The following ERCC6 variants were observed in gnomAD, a reference collection of about 807,000 sequenced individuals.
ERCC6 encodes the protein DNA excision repair protein ERCC-6.
In ERCC6, 116 loss-of-function variants were observed where a neutral mutation model predicts 158.7. That is an observed-to-expected ratio of 0.73 (90% confidence interval 0.63 to 0.85). The LOEUF is 0.85. Ranked by LOEUF, ERCC6 falls within the 40% of genes least tolerant of loss-of-function variation. The pLI is 0.00. For missense variants in ERCC6, 1,698 were observed against 1,799.4 expected, an observed-to-expected ratio of 0.94 and a Z score of 1.02; for synonymous variants, 678 against 659.3, an observed-to-expected ratio of 1.03 and a Z score of -0.43.
chr10:49,517,178 C>G (rs2132603022), intron 5 of ERCC6: 1 of 1,503,668 alleles, frequency 6.7e-7, no homozygotes, highest in Non-Finnish European at 8.9e-7. Context: ...CCTAGTGTTC[C>G]AAAAATGGAA....
intron 7 of ERCC6, among the ~76,000 whole-genome samples, chr10:49,497,969 T>TA (rs1048973040): frequency 1.3e-5 from 2 of 152,208 alleles, no homozygotes; most frequent in Non-Finnish European, 2.9e-5. Context: ...TCCAAGACTT[T>TA]AAAAAATTAA....
At chr10:49,519,087 A>G (rs1837073083) in intron 5 of ERCC6, among the ~76,000 whole-genome samples, 1 of 152,168 alleles carries the variant, frequency 6.6e-6, no homozygotes, top group Non-Finnish European at 1.5e-5. Flanking sequence ...ATCTCCCTAT[A>G]TCCTCATCCA....
intron 7 of ERCC6, among the ~76,000 whole-genome samples, chr10:49,495,860 C>T (rs966779426): frequency 3.3e-5 from 5 of 152,232 alleles, no homozygotes; most frequent in Non-Finnish European, 7.3e-5. Context: ...ATCTGGGTTA[C>T]TGCATCTCCG....
chr10:49,458,110 G>A lies in ERCC6; in HGVS notation c.*705C>T, dbSNP rs1590395066. The stretch of plus-strand genomic sequence containing the variant: ...ATTTTTTTTAATGATAACACATTTT[G>A]TGACTGTAGGAGAGAAAAAGATGCC... On this transcript the variant is annotated 3_prime_UTR_variant, in exon 21 of 21. Coordinates refer to ENST00000355832, the MANE Select transcript of ERCC6 (RefSeq NM_000124.4). 5 of 152,122 alleles carry A rather than the reference G, an allele frequency of 3.3e-5. No homozygotes were observed. The highest frequency in any genetic ancestry group is 7.3e-5 in the Non-Finnish European group (5 of 68,082). The allele number at this position is 152,122 out of a possible 1,614,324, so 9.4% of individuals were successfully genotyped here.
chr10:49,523,909 C>T (rs1837239290), intron 5 of ERCC6, 124 bp downstream of exon 5: 2 of 1,424,744 alleles, frequency 1.4e-6, no homozygotes, highest in Non-Finnish European at 1.9e-6. Context: ...TGCAGAAATC[C>T]AACCTCTGTA....
chr10:49,478,227 GC>G, intron 11 of ERCC6, 126 bp downstream of exon 11: 1 of 804,088 alleles, frequency 1.2e-6, no homozygotes, highest in Non-Finnish European at 2.2e-6. Flanking sequence ...GCCACAGCGG[GC>G]CTAGCCTGCC....
At chr10:49,449,969 C>T (rs778547458), downstream of ERCC6, among the ~76,000 whole-genome samples, 21 of 151,940 alleles carry the variant, frequency 1.4e-4, no homozygotes, top group African/African-American at 2.2e-4. Context: ...ACCTCCTGGG[C>T]TCAAGTGATC....
intron 5 of ERCC6, chr10:49,516,315 A>C: frequency 6.2e-7 from 1 of 1,614,180 alleles, no homozygotes; most frequent in Non-Finnish European, 8.5e-7. Flanking sequence ...ATCAAAGCTG[A>C]AATATGTTTC....
Position 49,470,274 on chromosome 10 carries a change from C to G in ERCC6, c.3686G>C (p.Arg1229Thr). 2.5e-6 allele frequency: 4 copies of G among 1,614,132 alleles called. No homozygotes were observed. The highest frequency in any genetic ancestry group is 3.4e-6 in the Non-Finnish European group (4 of 1,180,010). ...GTRIPHLVKK[R>T]RYQKQDSENK... ...TTCACTGTCTTGCTTCTGGTAACGC[C>G]TTTTCTTCACCAGGTGTGGAATTCG... The change falls in exon 18 of 21, where the codon AGG (arginine) becomes ACG (threonine). Residue 1229 changes from arginine (R) to threonine (T), a missense_variant. Arg to Thr is a moderately conservative substitution (Grantham distance 71). Transcript: ENST00000355832.
chr10:49,515,405 G>T, intron 5 of ERCC6: 1 of 1,614,106 alleles, frequency 6.2e-7, no homozygotes, highest in Non-Finnish European at 8.5e-7. Flanking sequence ...GAAAAGTTGT[G>T]TTCTTATGAC....
chr10:49,491,616 C>T (rs961818166), intron 8 of ERCC6, among the ~76,000 whole-genome samples: 2 of 152,190 alleles, frequency 1.3e-5, no homozygotes, highest in Non-Finnish European at 2.9e-5. Flanking sequence ...ACTGTCAATT[C>T]TATTTCCATA....
In ERCC6 at chr10:49,524,790, T is replaced by A. The variant is rs758120957; in HGVS notation, c.653-13A>T. On this transcript the variant is annotated splice_polypyrimidine_tract_variant and intron_variant, in intron 4 of 20. Coordinates refer to ENST00000355832, the MANE Select transcript of ERCC6 (RefSeq NM_000124.4). The stretch of plus-strand genomic sequence containing the variant: ...GATGGCCCCGGCTCTGAAAGAACAA[T>A]AGCAATGCGTTTCGCACTAGCATGA... 1.3e-6 allele frequency: 2 copies of A among 1,599,820 alleles called. No individual in the cohort carries two copies. Among genetic ancestry groups the A allele is most frequent in the Non-Finnish European group, 1.7e-6 (2 of 1,179,872 alleles).
At chr10:49,517,039 C>T (rs760800566) in intron 5 of ERCC6, 37 of 1,613,754 alleles carry the variant, frequency 2.3e-5, no homozygotes, top group Non-Finnish European at 3.1e-5. Context: ...GGTTGTATCA[C>T]TATAGCACTT....
intron 3 of ERCC6, among the ~76,000 whole-genome samples, chr10:49,528,753 AC>A (rs990720769): frequency 6.6e-6 from 1 of 152,142 alleles, no homozygotes; most frequent in Non-Finnish European, 1.5e-5. Flanking sequence ...GCATGCCTGC[AC>A]CCCCATGCTC....
chr10:49,531,865 C>T (rs891586555), intron 2 of ERCC6, among the ~76,000 whole-genome samples: 1 of 152,144 alleles, frequency 6.6e-6, no homozygotes, highest in African/African-American at 2.4e-5. Flanking sequence ...AGAACACTGC[C>T]CAACGGGGGC....
chr10:49,483,782 A>T (rs562204400), intron 8 of ERCC6, among the ~76,000 whole-genome samples: 1 of 151,478 alleles, frequency 6.6e-6, no homozygotes, highest in African/African-American at 2.4e-5. Context: ...ATATTAAATT[A>T]TTATTTTTAT....
In ERCC6 at chr10:49,478,436, C is replaced by T. The variant is rs201930958; in HGVS notation, c.2204G>A (p.Arg735Gln). The change falls in exon 11 of 21, where the codon CGA becomes CAA. Residue 735 changes from arginine to glutamine, a missense_variant. Transcript: ENST00000355832. Reference protein sequence around the residue: ...KTAYKCACVLRDTINPYLLRR... With the variant: ...KTAYKCACVLQDTINPYLLRR... ...CAGTAGGTATGGATTTATGGTATCT[C>T]GTAAGACACATGCACACTTGTAAGC... 39 of 1,613,398 alleles carry T rather than the reference C, an allele frequency of 2.4e-5. No individual in the cohort carries two copies. The highest frequency in any genetic ancestry group is 3.0e-5 in the Non-Finnish European group (35 of 1,179,696).
chr10:49,505,928 G>T lies in ERCC6; in HGVS notation c.1482C>A (p.Asp494Glu), dbSNP rs150762517. 3 of 1,613,368 alleles carry T rather than the reference G, an allele frequency of 1.9e-6. No homozygotes were observed. Among genetic ancestry groups the T allele is most frequent in the Non-Finnish European group, 2.5e-6 (3 of 1,179,592 alleles). ...GAAAACCTGGCACTTTAAAACCTTC[G>T]TCAAATTCAGCATCACTTTCCTCAG... ...DDSEESDAEF[D>E]EGFKVPGFLF... The change falls in exon 6 of 21, where the codon GAC (aspartate) becomes GAA (glutamate). Residue 494 changes from aspartate (D) to glutamate (E), a missense_variant. Asp to Glu is a conservative substitution (Grantham distance 45). Transcript: ENST00000355832.
intron 1 of ERCC6, among the ~76,000 whole-genome samples, chr10:49,534,780 T>C (rs536907595): frequency 2.0e-4 from 31 of 152,230 alleles, no homozygotes; most frequent in Non-Finnish European, 4.0e-4. Flanking sequence ...ATAAGATTTC[T>C]TTGAGCACTG....
Sources: gnomAD v4.1 joint callset for allele counts (sites outside exome capture counted in the v4.1 genomes callset) on GRCh38, gnomAD v4.1.1 for gene constraint, MANE v1.5 for transcripts, NCBI Gene and HGNC (gene_info 2026-07-23, HGNC 2026-07-21) for gene names.